Variants in SMARCA4 observed in about 807,000 individuals in gnomAD.
SMARCA4 encodes SWI/SNF related BAF chromatin remodeling complex subunit ATPase 4.
In SMARCA4, 31 loss-of-function variants were observed where a neutral mutation model predicts 193.9. The observed-to-expected ratio is 0.16, with a 90% confidence interval of 0.12 to 0.22. SMARCA4 has a LOEUF of 0.22. Ranked by LOEUF, SMARCA4 falls within the 10% of genes least tolerant of loss-of-function variation. SMARCA4 has a pLI of 1.00. For missense variants in SMARCA4, 1,148 were observed against 2,296.0 expected, an observed-to-expected ratio of 0.50 and a Z score of 10.22; for synonymous variants, 942 against 933.1, an observed-to-expected ratio of 1.01 and a Z score of -0.17.
intron 19 of SMARCA4, among the ~76,000 whole-genome samples, chr19:11,022,928 A>G (rs1349494738): frequency 6.6e-6 from 1 of 152,252 alleles, no homozygotes; most frequent in African/African-American, 2.4e-5. Flanking sequence ...CCAGGGAAGC[A>G]ATAGAAGAAA....
At chr19:11,035,555 T>G (rs1448857942) in intron 29 of SMARCA4, among the ~76,000 whole-genome samples, 1 of 152,192 alleles carries the variant, frequency 6.6e-6, no homozygotes, top group Admixed American at 6.5e-5. Context: ...AGCCTCACTT[T>G]GGGCAAGTCC....
At chr19:10,972,421 A>G (rs914528949) in intron 1 of SMARCA4, among the ~76,000 whole-genome samples, 23 of 149,650 alleles carry the variant, frequency 1.5e-4, no homozygotes, top group Non-Finnish European at 2.7e-4. Context: ...TTTTTTTAAT[A>G]TAACACTTCC....
chr19:11,033,654 C>A lies in SMARCA4; in HGVS notation c.3775-113C>A, dbSNP rs1156642394. 3.8e-6 allele frequency: 3 copies of A among 781,898 alleles called. No individual in the cohort carries two copies. The highest frequency in any genetic ancestry group is 1.4e-5 in the South Asian group (1 of 72,554). The allele number at this position is 781,898 out of a possible 1,614,324, so 48.4% of individuals were successfully genotyped here. On this transcript the variant is annotated intron_variant, in intron 26 of 34. Transcript: ENST00000344626. The surrounding 1 kb of genome is among the most constrained non-coding windows in gnomAD (Gnocchi z 9.8). ...TGGAGTAAAGGGAGTGTGGGCTGAA[C>A]GGAAAGAGGATGAGTACTTGCTTTT...
At chr19:10,990,080 C>T (rs1301355073) in intron 7 of SMARCA4, among the ~76,000 whole-genome samples, 1 of 152,180 alleles carries the variant, frequency 6.6e-6, no homozygotes, top group Admixed American at 6.5e-5. Context: ...AACTTGACCT[C>T]CCAGGCTCAT....
chr19:11,003,921 A>G (rs1361132127), intron 13 of SMARCA4, among the ~76,000 whole-genome samples: 1 of 151,684 alleles, frequency 6.6e-6, no homozygotes, highest in Non-Finnish European at 1.5e-5. Flanking sequence ...CATATTGGCC[A>G]GGCTGGTCTC....
At chr19:10,965,589 G>C (rs1599784489) in intron 1 of SMARCA4, among the ~76,000 whole-genome samples, 1 of 152,174 alleles carries the variant, frequency 6.6e-6, no homozygotes, top group East Asian at 1.9e-4. Flanking sequence ...AGATGATTTT[G>C]TGGTTGCGTG....
intron 29 of SMARCA4, among the ~76,000 whole-genome samples, chr19:11,037,627 G>A (rs754676135): frequency 3.3e-5 from 5 of 152,214 alleles, no homozygotes; most frequent in Non-Finnish European, 5.9e-5. Context: ...AAGCACAGAA[G>A]TGTTTCATTG....
chr19:10,964,941 C>T (rs902080104), intron 1 of SMARCA4, among the ~76,000 whole-genome samples: 1 of 152,182 alleles, frequency 6.6e-6, no homozygotes, highest in African/African-American at 2.4e-5. Context: ...AACTTTCTAT[C>T]AGTAAGGAAA....
chr19:11,001,555 G>C (rs771101129), intron 11 of SMARCA4, among the ~76,000 whole-genome samples: 1 of 152,126 alleles, frequency 6.6e-6, no homozygotes, highest in African/African-American at 2.4e-5. Context: ...TGCAGCAATC[G>C]GCATCTTTGA....
rs1160748623 is a variant in SMARCA4, at chr19:10,987,860, A to T, written c.1054A>T (p.Ile352Phe). The T allele has an allele frequency of 1.2e-6, 2 of 1,612,428 alleles. No individual in the cohort carries two copies. Among genetic ancestry groups the T allele is most frequent in the African/African-American group, 2.7e-5 (2 of 74,860 alleles). ...MVPLHQKQSR[I>F]TPIQKPRGLD... Reference sequence around the variant, plus strand: ...GCCACTGCACCAGAAGCAGAGCCGCATCACCCCCATCCAGAAGCCGCGGGG... The same window carrying T: ...GCCACTGCACCAGAAGCAGAGCCGCTTCACCCCCATCCAGAAGCCGCGGGG... Residue 352 changes from isoleucine (I) to phenylalanine (F), a missense_variant, in exon 6 of 35, where the codon ATC becomes TTC. Around this residue, in one of 17 missense-constraint regions of SMARCA4, gnomAD observed 257 missense variants for 276.5 expected, o/e 0.93. Transcript: ENST00000344626. This position sits in a 1 kb window ranked among gnomAD's most constrained non-coding sequence, Gnocchi z 5.3.
intron 30 of SMARCA4, among the ~76,000 whole-genome samples, chr19:11,056,760 A>G (rs568426196): frequency 6.6e-6 from 1 of 152,300 alleles, no homozygotes; most frequent in African/African-American, 2.4e-5. Flanking sequence ...GATGCACACA[A>G]ACACCAAACA....
rs966478275 is a variant in SMARCA4 at position 10,985,401 on chromosome 19, C to T, written c.351C>T (p.Ser117=). 6 of 1,613,802 alleles carry T rather than the reference C, an allele frequency of 3.7e-6. No individual in the cohort carries two copies. The highest frequency in any genetic ancestry group is 3.4e-6 in the Non-Finnish European group (4 of 1,179,960). Residue 117 remains serine, a synonymous_variant, in exon 3 of 35, where the codon TCC becomes TCT. Coordinates refer to ENST00000344626, the MANE Select transcript of SMARCA4 (RefSeq NM_003072.5). The surrounding 1 kb of genome is among the most constrained non-coding windows in gnomAD (Gnocchi z 4.5). ...CGCCCAGCCCCATGGACCAGCACTC[C>T]CAAGGTACAGAACTGCGTTCCTTCC... is the stretch of plus-strand genomic sequence containing the variant. ...GPPPSPMDQH[S]QGYPSPLGGS... is the part of the protein sequence containing the mutation.
At chr19:10,977,685 A>C (rs1245889305) in intron 1 of SMARCA4, 1 of 152,206 alleles carries the variant, frequency 6.6e-6, no homozygotes, top group Non-Finnish European at 1.5e-5. Context: ...TTTTGATGGG[A>C]GCATCTGAGG....
At chr19:11,032,987 G>C in intron 25 of SMARCA4, 1 of 486,554 alleles carries the variant, frequency 2.1e-6, no homozygotes. Flanking sequence ...CGCTGCCACG[G>C]GAGCTGCTTG....
chr19:10,999,759 A>G (rs1334826269), intron 11 of SMARCA4, among the ~76,000 whole-genome samples: 1 of 152,230 alleles, frequency 6.6e-6, no homozygotes, highest in Non-Finnish European at 1.5e-5. Flanking sequence ...TTCTAAAATC[A>G]GCAACCTGAT....
chr19:11,025,292 C>T, intron 21 of SMARCA4, 130 bp from the exon 22 acceptor site: 1 of 698,362 alleles, frequency 1.4e-6, no homozygotes, highest in South Asian at 1.5e-5. Flanking sequence ...CTCCCAATTG[C>T]TGTGCCAAAA....
intron 30 of SMARCA4, among the ~76,000 whole-genome samples, chr19:11,042,968 G>A (rs2075703097): frequency 6.6e-6 from 1 of 151,686 alleles, no homozygotes. Context: ...AGAGCAAGAC[G>A]CCCACTCCAA....
intron 29 of SMARCA4, among the ~76,000 whole-genome samples, chr19:11,039,180 C>T (rs2075431339): frequency 6.6e-6 from 1 of 152,170 alleles, no homozygotes; most frequent in Non-Finnish European, 1.5e-5. Flanking sequence ...ATGGCAAAAA[C>T]CCGTTTCTAC....
intron 30 of SMARCA4, among the ~76,000 whole-genome samples, chr19:11,046,222 C>CAAA (rs574819439): frequency 1.2e-5 from 1 of 83,592 alleles, no homozygotes. Context: ...GACTCCGTCT[C>CAAA]AAAAAAAAAA....
Sources: gnomAD v4.1 joint callset for allele counts (sites outside exome capture counted in the v4.1 genomes callset) on GRCh38, gnomAD v4.1.1 for gene constraint, gnomAD v4.1.1 regional missense constraint, Gnocchi (gnomAD v3.1) non-coding constraint, MANE v1.5 for transcripts, NCBI Gene and HGNC (gene_info 2026-07-23, HGNC 2026-07-21) for gene names.